CMSS1: variants seen among roughly 807,000 people sequenced by gnomAD.
CMSS1 encodes protein CMSS1.
Under a neutral mutation model 43.5 loss-of-function variants are expected in CMSS1, and 33 were observed. The observed-to-expected ratio is 0.76, with a 90% confidence interval of 0.57 to 1.01. The LOEUF (loss-of-function observed/expected upper bound fraction) is 1.01, where lower values mean the gene tolerates loss of function less well. Among genes scored for constraint, CMSS1 ranks in the 50% least tolerant of loss-of-function variants. The pLI is 0.00. For missense variants in CMSS1, 313 were observed against 326.4 expected, an observed-to-expected ratio of 0.96 and a Z score of 0.32; for synonymous variants, 115 against 117.2, an observed-to-expected ratio of 0.98 and a Z score of 0.12.
Position 100,033,163 on chromosome 3 carries a change from G to A in CMSS1, c.65-113810G>A, listed in dbSNP as rs925483787. Among the ~76,000 whole-genome samples, 9 of 152,226 alleles carry A rather than the reference G, an allele frequency of 5.9e-5. No homozygotes were observed. In the East Asian group the frequency reaches 1.5e-3, roughly 26 times the overall value. ...ACTCTGTGGTTACTGTATGGTAATGGAATTATTTTGGCCCCTTAAAACCTT... is the reference window on the plus strand; with the variant it reads ...ACTCTGTGGTTACTGTATGGTAATGAAATTATTTTGGCCCCTTAAAACCTT... On this transcript the variant is annotated intron_variant, in intron 1 of 9. Transcript: ENST00000421999.
chr3:100,141,092 T>C (rs151036408), intron 1 of CMSS1, among the ~76,000 whole-genome samples: 27 of 152,300 alleles, frequency 1.8e-4, no homozygotes, highest in African/African-American at 6.0e-4. Context: ...GTTTGAGGTT[T>C]CCTACATTCC....
At chr3:99,860,836 C>CT (rs1002968222) in intron 1 of CMSS1, among the ~76,000 whole-genome samples, 5 of 152,120 alleles carry the variant, frequency 3.3e-5, no homozygotes, top group African/African-American at 1.2e-4. Context: ...TGTTAGGGAG[C>CT]TTTCTAGTAA....
At chr3:99,856,984 C>T (rs1386602683) in intron 1 of CMSS1, among the ~76,000 whole-genome samples, 1 of 152,140 alleles carries the variant, frequency 6.6e-6, no homozygotes, top group African/African-American at 2.4e-5. Context: ...ACAGTCAACC[C>T]TACTAAAATA....
intron 1 of CMSS1, among the ~76,000 whole-genome samples, chr3:99,917,619 T>C (rs1319226613): frequency 2.0e-5 from 3 of 152,258 alleles, no homozygotes; most frequent in Non-Finnish European, 4.4e-5. Flanking sequence ...GAGATTTCTG[T>C]AATTTTTTAT....
intron 1 of CMSS1, among the ~76,000 whole-genome samples, chr3:99,918,123 G>A (rs902328236): frequency 2.6e-5 from 4 of 151,980 alleles, no homozygotes; most frequent in African/African-American, 4.8e-5. Flanking sequence ...GATTACAGGC[G>A]CGCGGCACCA....
chr3:100,075,121 G>A (rs185136284), intron 1 of CMSS1, among the ~76,000 whole-genome samples: 3 of 151,902 alleles, frequency 2.0e-5, no homozygotes, highest in Admixed American at 2.0e-4. Context: ...TTTATCCTGG[G>A]GTCAAACCCA....
intron 1 of CMSS1, among the ~76,000 whole-genome samples, chr3:99,996,782 G>C (rs1231279093): frequency 4.6e-5 from 7 of 151,870 alleles, no homozygotes; most frequent in Non-Finnish European, 8.8e-5. Flanking sequence ...GAACAGTATG[G>C]GGAAAACCGG....
At chr3:99,906,048 C>A (rs146728254) in intron 1 of CMSS1, among the ~76,000 whole-genome samples, 2 of 152,076 alleles carry the variant, frequency 1.3e-5, no homozygotes, top group African/African-American at 4.8e-5. Flanking sequence ...CAAACATTAG[C>A]TGGGCATGGT....
chr3:100,161,213 CTATTACT>C (rs2067020758), intron 3 of CMSS1, among the ~76,000 whole-genome samples: 1 of 152,208 alleles, frequency 6.6e-6, no homozygotes, highest in South Asian at 2.1e-4. Flanking sequence ...GGACTCAAAC[CTATTACT>C]TAACAGCAAG....
At chr3:99,925,532 A>G (rs142865318) in intron 1 of CMSS1, among the ~76,000 whole-genome samples, 1 of 152,316 alleles carries the variant, frequency 6.6e-6, no homozygotes, top group East Asian at 1.9e-4. Context: ...TTGGTCACAC[A>G]TCTGCCTTTA....
intron 1 of CMSS1, among the ~76,000 whole-genome samples, chr3:99,956,546 C>G (rs1375218310): frequency 1.3e-5 from 2 of 152,168 alleles, no homozygotes; most frequent in Admixed American, 6.5e-5. Context: ...GGGGTTTCAC[C>G]ACGTTGGCCA....
intron 1 of CMSS1, among the ~76,000 whole-genome samples, chr3:100,073,824 T>A (rs1045571554): frequency 1.3e-5 from 2 of 152,170 alleles, no homozygotes; most frequent in African/African-American, 4.8e-5. Context: ...TAAGAATCTT[T>A]CCACTCACTC....
intron 1 of CMSS1, among the ~76,000 whole-genome samples, chr3:100,013,217 T>TTGG (rs761322356): frequency 1.7e-5 from 2 of 118,594 alleles, no homozygotes; most frequent in African/African-American, 7.1e-5. Flanking sequence ...CAGTGAGGTG[T>TTGG]TGTTGTTGTT....
intron 1 of CMSS1, among the ~76,000 whole-genome samples, chr3:100,056,568 T>G (rs1206930793): frequency 6.6e-6 from 1 of 152,182 alleles, no homozygotes; most frequent in African/African-American, 2.4e-5. Flanking sequence ...CCTTACTGGC[T>G]TTATCTGCTT....
chr3:99,845,610 CTCTT>C (rs1451172844), intron 1 of CMSS1, among the ~76,000 whole-genome samples: 2 of 152,108 alleles, frequency 1.3e-5, no homozygotes, highest in Non-Finnish European at 2.9e-5. Flanking sequence ...ATCTTCCAAT[CTCTT>C]TCTCTCTCTC....
chr3:99,838,599 AG>A (rs1236185579), intron 1 of CMSS1, among the ~76,000 whole-genome samples: 1 of 152,234 alleles, frequency 6.6e-6, no homozygotes, highest in Non-Finnish European at 1.5e-5. Context: ...GATTGTGGAA[AG>A]GATCAAATTC....
chr3:99,904,341 T>A (rs1027573526), intron 1 of CMSS1, among the ~76,000 whole-genome samples: 1 of 152,230 alleles, frequency 6.6e-6, no homozygotes, highest in East Asian at 1.9e-4. Flanking sequence ...TGCTATCCAA[T>A]CAAGTATTTG....
At chr3:100,168,070 A>AT (rs2067079637) in intron 6 of CMSS1, among the ~76,000 whole-genome samples, 1 of 152,254 alleles carries the variant, frequency 6.6e-6, no homozygotes, top group Non-Finnish European at 1.5e-5. Context: ...GCAAAGGGAT[A>AT]TAAGTAGATC....
intron 1 of CMSS1, among the ~76,000 whole-genome samples, chr3:100,093,694 C>T (rs1220982117): frequency 6.6e-6 from 1 of 152,152 alleles, no homozygotes; most frequent in Non-Finnish European, 1.5e-5. Flanking sequence ...TAGCCACAAC[C>T]ATTTTCCTCC....
Sources: allele counts gnomAD v4.1 joint callset (sites outside exome capture counted in the v4.1 genomes callset), GRCh38; gene constraint gnomAD v4.1.1; transcripts MANE v1.5; gene names NCBI Gene and HGNC (gene_info 2026-07-23, HGNC 2026-07-21).